STARD7: variants seen among roughly 807,000 people sequenced by gnomAD.
The protein encoded by STARD7 is stAR-related lipid transfer protein 7, mitochondrial.
In STARD7, 30 loss-of-function variants were observed where a neutral mutation model predicts 45.3. The observed-to-expected ratio is 0.66, with a 90% CI of 0.50 to 0.90. The LOEUF (loss-of-function observed/expected upper bound fraction) is 0.90. STARD7 is among the 40% of genes least tolerant of loss of function. The pLI, the probability that STARD7 is intolerant of heterozygous loss-of-function variation, is 0.00. For missense variants in STARD7, 495 were observed against 491.3 expected (o/e 1.01, Z -0.07); for synonymous variants, 199 against 183.0 (o/e 1.09, Z -0.70).
chr2:96,203,871 CAGG>C (rs1683345269), intron 1 of STARD7, among the ~76,000 whole-genome samples: 1 of 152,042 alleles, frequency 6.6e-6, no homozygotes, highest in Non-Finnish European at 1.5e-5. Context: ...GAGGCTGAGG[CAGG>C]AGAACTGCTT....
At chr2:96,191,028 G>T (rs902312801) in intron 6 of STARD7, among the ~76,000 whole-genome samples, 1 of 152,104 alleles carries the variant, frequency 6.6e-6, no homozygotes, top group Non-Finnish European at 1.5e-5. Context: ...AGCCTGACAT[G>T]TTGGCACACG....
chr2:96,188,745 C>A (rs928405904), intron 6 of STARD7, among the ~76,000 whole-genome samples: 6 of 150,384 alleles, frequency 4.0e-5, no homozygotes, highest in African/African-American at 1.5e-4. Flanking sequence ...AAAAAAAAAA[C>A]TAGCCAGGTG....
intron 6 of STARD7, among the ~76,000 whole-genome samples, chr2:96,191,213 A>T (rs1440870565): frequency 6.6e-6 from 1 of 152,210 alleles, no homozygotes; most frequent in Non-Finnish European, 1.5e-5. Flanking sequence ...AATATATAAT[A>T]GAAGAACTGG....
intron 6 of STARD7, among the ~76,000 whole-genome samples, chr2:96,188,546 A>T (rs916301607): frequency 3.3e-5 from 5 of 150,380 alleles, no homozygotes; most frequent in African/African-American, 4.9e-5. Context: ...AAGTGCTGGG[A>T]TTACAAGCGT....
chr2:96,206,024 G>A (rs1286032417), intron 1 of STARD7, among the ~76,000 whole-genome samples: 1 of 152,144 alleles, frequency 6.6e-6, no homozygotes, highest in Non-Finnish European at 1.5e-5. Context: ...TCCAAAGCTG[G>A]TTAACTCAGA....
chr2:96,187,427 G>A (rs1683054266), intron 6 of STARD7, 126 bp from the exon 7 acceptor site: 1 of 649,890 alleles, frequency 1.5e-6, no homozygotes, highest in Non-Finnish European at 2.7e-6. Context: ...TTCACCCTGT[G>A]CAGAAAAGAG....
At chr2:96,196,341 T>G (rs1373394391) in intron 1 of STARD7, among the ~76,000 whole-genome samples, 1 of 152,122 alleles carries the variant, frequency 6.6e-6, no homozygotes, top group Non-Finnish European at 1.5e-5. Flanking sequence ...GGCACATGCC[T>G]GTACTCCAAG....
rs146759739 is a variant in STARD7, at chr2:96,186,849, C to G, written c.994G>C (p.Val332Leu). 3 of 1,613,968 alleles carry G rather than the reference C, an allele frequency of 1.9e-6. No individual in the cohort carries two copies. Among genetic ancestry groups the G allele is most frequent in the Non-Finnish European group, 2.5e-6 (3 of 1,179,856 alleles). The change falls in exon 8 of 8, where the codon GTA becomes CTA. Residue 332 changes from valine to leucine, a missense_variant. Physicochemically the swap from Val to Leu is conservative, Grantham distance 32. This residue lies in a region of STARD7 where 213 missense variants were observed against 271.2 expected (regional missense o/e 0.79). Transcript: ENST00000337288. ...TLKAKNMEIKVKDYISAKPLE... is the reference protein window; with the variant it reads ...TLKAKNMEIKLKDYISAKPLE... Reference sequence around the variant, plus strand: ...GGCTTAGCTGAGATGTAGTCCTTTACTTTAATCTCCATATTCTTGGCTTTC... The same window carrying G: ...GGCTTAGCTGAGATGTAGTCCTTTAGTTTAATCTCCATATTCTTGGCTTTC...
At chr2:96,192,931 T>C in intron 5 of STARD7, 147 bp downstream of exon 5, 3 of 653,004 alleles carry the variant, frequency 4.6e-6, no homozygotes, top group Non-Finnish European at 8.3e-6. Flanking sequence ...TCAGAGTCCC[T>C]CATCTTCTAG....
At chr2:96,208,039 AT>A in intron 1 of STARD7, 105 bp downstream of exon 1, 6 of 1,132,396 alleles carry the variant, frequency 5.3e-6, no homozygotes, top group Non-Finnish European at 7.4e-6. Flanking sequence ...TGTATTGCCA[AT>A]TAAAAGACCA....
chr2:96,185,240 C>T lies in STARD7; in HGVS notation c.*1490G>A, dbSNP rs1009604779. On this transcript the variant is annotated 3_prime_UTR_variant, in exon 8 of 8. Transcript: ENST00000337288. Reference sequence around the variant, plus strand: ...CATCTCTCCTCTTCCAACAATGACGCGGAGAAGGCAAGACATACACTGGGG... The same window carrying T: ...CATCTCTCCTCTTCCAACAATGACGTGGAGAAGGCAAGACATACACTGGGG... 1.3e-5 allele frequency: 2 copies of T among 152,542 alleles called. No individual in the cohort carries two copies. The highest frequency in any genetic ancestry group is 4.8e-5 in the African/African-American group (2 of 41,402). The allele number at this position is 152,542 out of a possible 1,614,324, so 9.4% of individuals were successfully genotyped here.
chr2:96,192,593 G>A, intron 5 of STARD7, 125 bp from the exon 6 acceptor site: 1 of 719,168 alleles, frequency 1.4e-6, no homozygotes, highest in Non-Finnish European at 2.4e-6. Context: ...AAACAAAGGA[G>A]TCACTAAGAT....
intron 7 of STARD7, 81 bp downstream of exon 7, chr2:96,187,136 G>A (rs952142500): frequency 1.9e-5 from 21 of 1,114,290 alleles, no homozygotes; most frequent in African/African-American, 6.3e-5. Context: ...CAGAAGAGAC[G>A]TTTTATTTCC....
At chr2:96,193,500 C>A in intron 3 of STARD7, 148 bp from the exon 4 acceptor site, 1 of 641,784 alleles carries the variant, frequency 1.6e-6, no homozygotes, top group Non-Finnish European at 2.8e-6. Flanking sequence ...GTGTGAGAGA[C>A]ATGGCTGTGT....
intron 1 of STARD7, among the ~76,000 whole-genome samples, chr2:96,206,340 C>T (rs1683388778): frequency 6.6e-6 from 1 of 152,140 alleles, no homozygotes; most frequent in African/African-American, 2.4e-5. Context: ...ACTCCCACCC[C>T]CAAACTCTCC....
chr2:96,207,383 T>C (rs923902928), intron 1 of STARD7, among the ~76,000 whole-genome samples: 17 of 152,208 alleles, frequency 1.1e-4, no homozygotes, highest in African/African-American at 4.1e-4. Flanking sequence ...AGAATATCTG[T>C]TGCAAAGAAA....
chr2:96,190,902 G>A (rs954062623), intron 6 of STARD7, among the ~76,000 whole-genome samples: 1 of 152,108 alleles, frequency 6.6e-6, no homozygotes, highest in Non-Finnish European at 1.5e-5. Context: ...AGTGGCTCAC[G>A]CCTCTAATCC....
At chr2:96,190,401 T>C (rs1189681339) in intron 6 of STARD7, among the ~76,000 whole-genome samples, 1 of 150,264 alleles carries the variant, frequency 6.7e-6, no homozygotes. Flanking sequence ...AGCGGCACGA[T>C]CTTGGCTCAC....
Position 96,208,192 on chromosome 2 carries a change from G to A in STARD7, c.243C>T (p.Gly81=). The A allele has an allele frequency of 1.2e-6, 2 of 1,604,680 alleles. No homozygotes were observed. The highest frequency in any genetic ancestry group is 1.7e-6 in the Non-Finnish European group (2 of 1,176,288). ...HASALMAALA[G]VFVWDEERIQ... ...TCCTCTCCTCGTCCCAAACGAAGAC[G>A]CCGGCTAACGCCGCCATCAAGGCAG... Residue 81 remains glycine, a synonymous_variant, in exon 1 of 8, where the codon GGC becomes GGT. Transcript: ENST00000337288.
Sources: gnomAD v4.1 joint callset for allele counts (sites outside exome capture counted in the v4.1 genomes callset) on GRCh38, gnomAD v4.1.1 for gene constraint, gnomAD v4.1.1 regional missense constraint, MANE v1.5 for transcripts, NCBI Gene and HGNC (gene_info 2026-07-23, HGNC 2026-07-21) for gene names.